Variants in TRHDE observed in about 807,000 individuals in gnomAD.
TRHDE encodes thyrotropin releasing hormone degrading enzyme.
In TRHDE, 72 loss-of-function variants were observed where a neutral mutation model predicts 125.7. The ratio of observed to expected loss-of-function variants is 0.57; its 90% CI spans 0.47 to 0.70. The LOEUF is 0.70. Ranked by LOEUF, TRHDE falls within the 30% of genes least tolerant of loss-of-function variation. The pLI is 0.00. For missense variants in TRHDE, 1,110 were observed against 1,327.1 expected (o/e 0.84, Z 2.54); for synonymous variants, 509 against 509.1 (o/e 1.00, Z 0.00).
At chr12:72,390,435 T>A (rs577355854) in intron 3 of TRHDE, among the ~76,000 whole-genome samples, 5 of 150,802 alleles carry the variant, frequency 3.3e-5, no homozygotes, top group South Asian at 2.1e-4. Flanking sequence ...TCAGCCAATT[T>A]AAAAAAAAAG....
chr12:72,553,397 T>C (rs534862920), intron 7 of TRHDE, among the ~76,000 whole-genome samples: 2 of 152,276 alleles, frequency 1.3e-5, no homozygotes, highest in African/African-American at 4.8e-5. Flanking sequence ...ATCTGGATAC[T>C]CAGGGAAGAG....
At chr12:72,639,756 C>T (rs1470118171) in intron 15 of TRHDE, among the ~76,000 whole-genome samples, 12 of 151,936 alleles carry the variant, frequency 7.9e-5, no homozygotes, top group South Asian at 2.1e-4. Flanking sequence ...TTGGAGTACC[C>T]GGCCGTGTGA....
intron 2 of TRHDE, among the ~76,000 whole-genome samples, chr12:72,215,984 GGGT>G (rs1877882398): frequency 6.6e-6 from 1 of 152,154 alleles, no homozygotes; most frequent in African/African-American, 2.4e-5. Context: ...AGACAAAGCT[GGGT>G]TTACATGTCA....
intron 13 of TRHDE, among the ~76,000 whole-genome samples, chr12:72,619,970 TA>T (rs1872976286): frequency 7.0e-6 from 1 of 142,332 alleles, no homozygotes; most frequent in Admixed American, 6.7e-5. Context: ...ATAAACTGTT[TA>T]ATGATTTTTT....
intron 3 of TRHDE, among the ~76,000 whole-genome samples, chr12:72,421,783 C>T (rs1468790533): frequency 6.6e-6 from 1 of 152,170 alleles, no homozygotes; most frequent in East Asian, 1.9e-4. Flanking sequence ...CTGCAAGTCA[C>T]TTCTTGATGC....
intron 12 of TRHDE, among the ~76,000 whole-genome samples, chr12:72,600,205 C>A (rs1403878090): frequency 6.6e-6 from 1 of 151,818 alleles, no homozygotes; most frequent in African/African-American, 2.4e-5. Flanking sequence ...TGGTTTTGTT[C>A]TTTTTGCTTA....
intron 2 of TRHDE, among the ~76,000 whole-genome samples, chr12:72,210,523 A>G (rs1192562532): frequency 6.6e-6 from 1 of 152,214 alleles, no homozygotes; most frequent in Non-Finnish European, 1.5e-5. Context: ...GTGTTAATGG[A>G]TAATATTTTT....
intron 1 of TRHDE, among the ~76,000 whole-genome samples, chr12:72,283,094 G>A (rs79876663): frequency 1.3e-5 from 2 of 152,180 alleles, no homozygotes; most frequent in South Asian, 2.1e-4. Flanking sequence ...TATAATACCC[G>A]TCTAGGTATA....
intron 5 of TRHDE, among the ~76,000 whole-genome samples, chr12:72,483,522 AATC>A (rs1228155428): frequency 1.3e-5 from 2 of 152,008 alleles, no homozygotes; most frequent in African/African-American, 4.8e-5. Flanking sequence ...CCTGCAGGGT[AATC>A]ATATTTTAAC....
At chr12:72,187,529 G>A (rs1877251725) in intron 2 of TRHDE, among the ~76,000 whole-genome samples, 1 of 150,878 alleles carries the variant, frequency 6.6e-6, no homozygotes, top group Admixed American at 6.6e-5. Context: ...GGAGGAGGAG[G>A]AGGAGGATGG....
chr12:72,428,723 A>AT (rs1592437320), intron 3 of TRHDE, among the ~76,000 whole-genome samples: 1 of 152,086 alleles, frequency 6.6e-6, no homozygotes, highest in East Asian at 1.9e-4. Context: ...AATTTCAGAG[A>AT]TTTTTTACAA....
chr12:72,135,758 AT>A (rs1324534919), intron 2 of TRHDE, among the ~76,000 whole-genome samples: 3 of 151,892 alleles, frequency 2.0e-5, no homozygotes, highest in African/African-American at 7.2e-5. Context: ...TTCATTGAGG[AT>A]TTTTCTCCCT....
At chr12:72,430,436 T>C (rs1441439489) in intron 3 of TRHDE, among the ~76,000 whole-genome samples, 2 of 147,944 alleles carry the variant, frequency 1.4e-5, no homozygotes, top group African/African-American at 2.5e-5. Context: ...TGTATATATA[T>C]ACACACACGT....
chr12:72,626,155 G>A (rs1873249708), intron 15 of TRHDE, among the ~76,000 whole-genome samples: 1 of 151,912 alleles, frequency 6.6e-6, no homozygotes, highest in South Asian at 2.1e-4. Context: ...GGAATCGCTG[G>A]TGTAGGGAAA....
chr12:72,297,857 C>T (rs562974475), intron 2 of TRHDE, among the ~76,000 whole-genome samples: 4 of 152,174 alleles, frequency 2.6e-5, no homozygotes, highest in South Asian at 2.1e-4. Flanking sequence ...ATGCGGCAGA[C>T]GGAATGGTAG....
Position 72,518,192 on chromosome 12 carries a change from G to A in TRHDE, c.1722+18557G>A, listed in dbSNP as rs7313419. On this transcript the variant is annotated intron_variant, in intron 6 of 18. Transcript: ENST00000261180. ...GGTGCAGAGCTGAGTTCAATTCCTG[G>A]GTATCCTTGTTGACTTTCTGTCTCA... Among the ~76,000 whole-genome samples, 347 of 150,000 alleles carry A rather than the reference G, an allele frequency of 2.3e-3. 2 individuals carry two copies. Among genetic ancestry groups the A allele is most frequent in the African/African-American group, 8.4e-3 (335 of 40,110 alleles).
chr12:72,584,968 A>C (rs2136040968), intron 12 of TRHDE, among the ~76,000 whole-genome samples: 1 of 152,258 alleles, frequency 6.6e-6, no homozygotes, highest in South Asian at 2.1e-4. Context: ...GTGTTGGGAA[A>C]ATCTTATCTT....
chr12:72,285,339 G>A (rs1879840855), intron 1 of TRHDE, among the ~76,000 whole-genome samples: 2 of 152,102 alleles, frequency 1.3e-5, no homozygotes, highest in African/African-American at 4.8e-5. Flanking sequence ...TGGTGGCAGA[G>A]CTACTTGTGG....
chr12:72,218,893 A>AG (rs1254003036), intron 2 of TRHDE, among the ~76,000 whole-genome samples: 3 of 152,154 alleles, frequency 2.0e-5, no homozygotes, highest in Non-Finnish European at 4.4e-5. Context: ...TAAGTTACTG[A>AG]GGGTTAGGAC....
Sources: allele counts gnomAD v4.1 joint callset (sites outside exome capture counted in the v4.1 genomes callset), GRCh38; gene constraint gnomAD v4.1.1; transcripts MANE v1.5; gene names NCBI Gene and HGNC (gene_info 2026-07-23, HGNC 2026-07-21).